MAST4: variants seen among roughly 807,000 people sequenced by gnomAD.
MAST4 encodes the protein microtubule-associated serine/threonine-protein kinase 4.
In MAST4, 89 loss-of-function variants were observed where a neutral mutation model predicts 162.7. That is an observed-to-expected ratio of 0.55 (90% confidence interval 0.46 to 0.65). MAST4 has a LOEUF of 0.65. Ranked by LOEUF, MAST4 falls within the 30% of genes least tolerant of loss-of-function variation. The pLI is 0.00. For missense variants in MAST4, 3,153 were observed against 3,374.0 expected, an observed-to-expected ratio of 0.93 and a Z score of 1.62; for synonymous variants, 1,479 against 1,361.1, an observed-to-expected ratio of 1.09 and a Z score of -1.91.
chr5:67,092,322 G>A (rs1345682581), intron 6 of MAST4, among the ~76,000 whole-genome samples: 3 of 152,166 alleles, frequency 2.0e-5, no homozygotes, highest in African/African-American at 7.2e-5. Context: ...GCCATCCCTT[G>A]TAACAAAATA....
Position 67,164,799 on chromosome 5 carries a change from C to T in MAST4, c.5620C>T (p.Pro1874Ser), listed in dbSNP as rs1278348131. The T allele has an allele frequency of 6.2e-7, 1 of 1,614,008 alleles. No individual in the cohort carries two copies. Among genetic ancestry groups the T allele is most frequent in the Non-Finnish European group, 8.5e-7 (1 of 1,179,892 alleles). The change falls in exon 29 of 29, where the codon CCT (proline) becomes TCT (serine). Residue 1874 changes from proline to serine, a missense_variant. Coordinates refer to ENST00000403625, the MANE Select transcript of MAST4 (RefSeq NM_001164664.2). This position sits in a 1 kb window ranked among gnomAD's most constrained non-coding sequence, Gnocchi z 5.3. The stretch of plus-strand genomic sequence containing the variant: ...GATGAATAAATCCTACCTGCTGGAG[C>T]CTTGGTTCCTGCCCCCCAGCCGAGG... ...LKMNKSYLLE[P>S]WFLPPSRGLQ... is the part of the protein sequence containing the mutation.
intron 3 of MAST4, among the ~76,000 whole-genome samples, chr5:66,827,100 T>C (rs1203118280): frequency 6.6e-6 from 1 of 152,246 alleles, no homozygotes; most frequent in Non-Finnish European, 1.5e-5. Flanking sequence ...GGCTGGCCCT[T>C]TCTCCTCTCT....
chr5:66,788,607 C>CCCCTCCAAAA, intron 2 of MAST4, 63 bp from the exon 3 acceptor site: 2 of 1,373,728 alleles, frequency 1.5e-6, no homozygotes, highest in Non-Finnish European at 2.0e-6. Flanking sequence ...CCCCCACCCC[C>CCCCTCCAAAA]ATTGCAATAA....
intron 4 of MAST4, among the ~76,000 whole-genome samples, chr5:66,906,088 T>C (rs1279602124): frequency 2.0e-5 from 3 of 152,228 alleles, no homozygotes; most frequent in African/African-American, 7.2e-5. Context: ...TGAATTTCTT[T>C]CAGGGCCTGC....
intron 1 of MAST4, among the ~76,000 whole-genome samples, chr5:66,726,834 T>G (rs1010410602): frequency 7.9e-5 from 12 of 152,226 alleles, no homozygotes; most frequent in African/African-American, 2.6e-4. Context: ...CTTATGAGAA[T>G]CTAATCCTGC....
At chr5:67,030,557 CAA>C (rs1469496449) in intron 4 of MAST4, among the ~76,000 whole-genome samples, 32 of 152,246 alleles carry the variant, frequency 2.1e-4, no homozygotes, top group Middle Eastern at 3.4e-3. Flanking sequence ...AGGCCTGGGG[CAA>C]ATTGGTCAGA....
intron 3 of MAST4, among the ~76,000 whole-genome samples, chr5:66,849,453 T>C (rs1267187777): frequency 6.6e-6 from 1 of 152,112 alleles, no homozygotes; most frequent in Non-Finnish European, 1.5e-5. Flanking sequence ...ACCCTACTCC[T>C]CTTCTGCTTT....
At chr5:66,716,972 G>A (rs985415680) in intron 1 of MAST4, among the ~76,000 whole-genome samples, 40 of 152,216 alleles carry the variant, frequency 2.6e-4, no homozygotes, top group African/African-American at 9.2e-4. Context: ...CAGGTGAAGA[G>A]GACAAAGTTC....
intron 2 of MAST4, among the ~76,000 whole-genome samples, chr5:66,764,919 C>T (rs1288672598): frequency 6.6e-6 from 1 of 152,184 alleles, no homozygotes; most frequent in African/African-American, 2.4e-5. Flanking sequence ...CTCACTGACT[C>T]CCTGGTAGCA....
At chr5:66,998,313 G>A (rs1030054850) in intron 4 of MAST4, among the ~76,000 whole-genome samples, 2 of 152,158 alleles carry the variant, frequency 1.3e-5, no homozygotes, top group South Asian at 4.1e-4. Flanking sequence ...TCCAGATTGA[G>A]CATCTAATGC....
intron 4 of MAST4, among the ~76,000 whole-genome samples, chr5:66,915,091 C>G (rs1399264023): frequency 2.0e-5 from 3 of 151,908 alleles, no homozygotes; most frequent in Non-Finnish European, 4.4e-5. Context: ...TGGTGAGACC[C>G]TGTCTCACCT....
chr5:66,912,533 T>C (rs1395113300), intron 4 of MAST4, among the ~76,000 whole-genome samples: 3 of 152,218 alleles, frequency 2.0e-5, no homozygotes, highest in Admixed American at 6.5e-5. Context: ...ATGAAATTAA[T>C]AGATCAGTAC....
intron 1 of MAST4, among the ~76,000 whole-genome samples, chr5:66,685,008 C>T (rs1580190408): frequency 6.6e-6 from 1 of 152,092 alleles, no homozygotes; most frequent in Admixed American, 6.5e-5. Context: ...ATGCCTATAA[C>T]CCCAGCACTT....
At chr5:66,751,074 C>A (rs954893261) in intron 1 of MAST4, among the ~76,000 whole-genome samples, 4 of 151,974 alleles carry the variant, frequency 2.6e-5, no homozygotes, top group Non-Finnish European at 5.9e-5. Flanking sequence ...AACAGACCTG[C>A]AGCTGAGGGT....
intron 3 of MAST4, among the ~76,000 whole-genome samples, chr5:66,830,128 G>A (rs1328615930): frequency 6.6e-6 from 1 of 152,144 alleles, no homozygotes; most frequent in African/African-American, 2.4e-5. Context: ...AAGGCTCTTT[G>A]TTAAAAAGAT....
chr5:66,919,099 AACACACACACACACAC>A (rs56340246), intron 4 of MAST4, among the ~76,000 whole-genome samples: 4,273 of 142,300 alleles, frequency 0.03, 89 homozygotes, highest in Admixed American at 0.044. Context: ...CGAGACTCTC[AACACACACACACACAC>A]ACACACACAC....
intron 1 of MAST4, among the ~76,000 whole-genome samples, chr5:66,715,617 A>G (rs1750781088): frequency 1.3e-5 from 2 of 151,578 alleles, no homozygotes; most frequent in African/African-American, 4.9e-5. Flanking sequence ...ACATGTATAC[A>G]TATATAATAA....
chr5:66,606,894 T>G (rs1742923518), intron 1 of MAST4, among the ~76,000 whole-genome samples: 2 of 152,308 alleles, frequency 1.3e-5, no homozygotes, highest in Admixed American at 6.5e-5. Flanking sequence ...TTTACTCATT[T>G]AAATATTAAA....
At position 67,092,577 on chromosome 5, in the gene MAST4, G is replaced by A. The variant is rs539005123; in HGVS notation, c.833+2346G>A. Among the ~76,000 whole-genome samples, 126 of 152,242 alleles carry A rather than the reference G, an allele frequency of 8.3e-4. 1 individual carries two copies. Among genetic ancestry groups the A allele is most frequent in the African/African-American group, 3.0e-3 (126 of 41,542 alleles). The stretch of plus-strand genomic sequence containing the variant: ...TCCTTTTTTCCCTGGCGGTAAAATG[G>A]AGGTTAAAAATACTCTCGTGCCTTT... On this transcript the variant is annotated intron_variant, in intron 6 of 28. Transcript: ENST00000403625.
Sources: allele counts gnomAD v4.1 joint callset (sites outside exome capture counted in the v4.1 genomes callset), GRCh38; gene constraint gnomAD v4.1.1; non-coding constraint Gnocchi (gnomAD v3.1); transcripts MANE v1.5; gene names NCBI Gene and HGNC (gene_info 2026-07-23, HGNC 2026-07-21).